The following EPCIP variants were observed in gnomAD, a reference collection of about 807,000 sequenced individuals.
EPCIP encodes exosomal polycystin-1-interacting protein.
the EPCIP span, among the ~76,000 whole-genome samples, chr21:32,807,975 T>A: frequency 6.6e-6 from 1 of 152,064 alleles, no homozygotes; most frequent in Non-Finnish European, 1.5e-5. Context: ...AGACCGTGAG[T>A]CCCAAGTCAG....
At chr21:32,800,623 C>T in the EPCIP span, among the ~76,000 whole-genome samples, 1 of 152,146 alleles carries the variant, frequency 6.6e-6, no homozygotes, top group African/African-American at 2.4e-5. Context: ...CGAGACCAGC[C>T]TGACCAATGC....
At chr21:32,798,089 C>T in the EPCIP span, 1 of 152,326 alleles carries the variant, frequency 6.6e-6, no homozygotes, top group South Asian at 2.1e-4. Flanking sequence ...AACCCCAGCA[C>T]TTTGGGAGGC....
chr21:32,795,571 G>T, the EPCIP span, among the ~76,000 whole-genome samples: 7 of 152,188 alleles, frequency 4.6e-5, no homozygotes, highest in East Asian at 1.3e-3. Flanking sequence ...CTTGGCATGC[G>T]ACCTCTGAGT....
chr21:32,810,116 G>T, the EPCIP span, among the ~76,000 whole-genome samples: 2 of 152,014 alleles, frequency 1.3e-5, no homozygotes, highest in Non-Finnish European at 2.9e-5. Context: ...CTTCCCACAA[G>T]CATCTGACTT....
chr21:32,800,092 G>C, the EPCIP span, among the ~76,000 whole-genome samples: 1 of 152,086 alleles, frequency 6.6e-6, no homozygotes, highest in Non-Finnish European at 1.5e-5. Context: ...TTTTGTGTTA[G>C]GACTATAGAG....
the EPCIP span, among the ~76,000 whole-genome samples, chr21:32,811,977 A>C: frequency 6.6e-6 from 1 of 152,342 alleles, no homozygotes; most frequent in South Asian, 2.1e-4. Context: ...TGCCAGATGC[A>C]GGCCCCTTGA....
At chr21:32,811,833 G>T in the EPCIP span, among the ~76,000 whole-genome samples, 4 of 152,208 alleles carry the variant, frequency 2.6e-5, no homozygotes, top group Non-Finnish European at 4.4e-5. Context: ...TGAGGAGTGG[G>T]TTGGTCACCA....
At chr21:32,794,642 G>C in the EPCIP span, among the ~76,000 whole-genome samples, 1 of 152,162 alleles carries the variant, frequency 6.6e-6, no homozygotes, top group Non-Finnish European at 1.5e-5. Flanking sequence ...CCAGGCACTG[G>C]GCAAGCTCTT....
the EPCIP span, among the ~76,000 whole-genome samples, chr21:32,800,634 G>A: frequency 5.9e-5 from 9 of 152,112 alleles, no homozygotes; most frequent in Non-Finnish European, 1.0e-4. Context: ...TGACCAATGC[G>A]GTGAAACCCT....
At chr21:32,806,738 G>A in the EPCIP span, among the ~76,000 whole-genome samples, 1 of 152,232 alleles carries the variant, frequency 6.6e-6, no homozygotes, top group Non-Finnish European at 1.5e-5. Context: ...AAAGCACTGA[G>A]CTCACCTGGG....
chr21:32,806,764 C>T, the EPCIP span, among the ~76,000 whole-genome samples: 1 of 152,184 alleles, frequency 6.6e-6, no homozygotes, highest in Non-Finnish European at 1.5e-5. Flanking sequence ...ATTTCACCCA[C>T]TAATTTGCTG....
At chr21:32,802,371 C>T in the EPCIP span, among the ~76,000 whole-genome samples, 1 of 152,176 alleles carries the variant, frequency 6.6e-6, no homozygotes, top group African/African-American at 2.4e-5. Context: ...TGCAAACCTC[C>T]TGTGAGGTAA....
the EPCIP span, among the ~76,000 whole-genome samples, chr21:32,808,055 T>C: frequency 6.6e-6 from 1 of 152,206 alleles, no homozygotes; most frequent in Admixed American, 6.5e-5. Flanking sequence ...ATGAGTAGAA[T>C]TAGTATATTT....
At chr21:32,804,951 A>G in the EPCIP span, among the ~76,000 whole-genome samples, 2 of 152,238 alleles carry the variant, frequency 1.3e-5, no homozygotes, top group African/African-American at 4.8e-5. Context: ...TAGTAGGTCA[A>G]ATAATGGTCC....
chr21:32,798,139 A>T, the EPCIP span: 1 of 152,218 alleles, frequency 6.6e-6, no homozygotes, highest in African/African-American at 2.4e-5. Flanking sequence ...GTTCAAGACC[A>T]GCCCAGCCAA....
the EPCIP span, chr21:32,794,195 T>C: frequency 6.2e-7 from 1 of 1,614,280 alleles, no homozygotes; most frequent in South Asian, 1.1e-5. Flanking sequence ...ATGGCCATTG[T>C]AGCTGGTTCG....
the EPCIP span, among the ~76,000 whole-genome samples, chr21:32,795,419 G>T: frequency 6.6e-6 from 1 of 152,206 alleles, no homozygotes; most frequent in African/African-American, 2.4e-5. Context: ...TGATTGGAAT[G>T]AGATGAGATG....
chr21:32,794,282 G>A, the EPCIP span: 32 of 1,614,150 alleles, frequency 2.0e-5, no homozygotes, highest in East Asian at 8.9e-5. Context: ...CCGGATGTCC[G>A]CAGAACAGCT....
the EPCIP span, among the ~76,000 whole-genome samples, chr21:32,810,878 C>A: frequency 2.0e-5 from 3 of 152,138 alleles, no homozygotes; most frequent in African/African-American, 7.2e-5. Flanking sequence ...TTCCTCAGCC[C>A]TGTGTTCCCA....
Sources: allele counts gnomAD v4.1 joint callset (sites outside exome capture counted in the v4.1 genomes callset), GRCh38; gene constraint gnomAD v4.1.1; transcripts MANE v1.5; gene names NCBI Gene and HGNC (gene_info 2026-07-23, HGNC 2026-07-21).